Variants in PPP1R1C observed in about 807,000 individuals in gnomAD.
The protein encoded by PPP1R1C is protein phosphatase 1 regulatory subunit 1C.
A neutral mutation model predicts 17.4 loss-of-function variants in PPP1R1C; 15 were observed. That is an observed-to-expected ratio of 0.86 (90% CI 0.58 to 1.33). The LOEUF (loss-of-function observed/expected upper bound fraction) is 1.33, where lower values mean the gene tolerates loss of function less well. Ranked by LOEUF, PPP1R1C falls within the 40% of genes most tolerant of loss-of-function variation. The pLI, the probability that PPP1R1C is intolerant of heterozygous loss-of-function variation, is 0.00. For synonymous variants in PPP1R1C, 35 were observed against 43.1 expected (o/e 0.81, Z 0.73); for missense variants, 143 against 130.0 (o/e 1.10, Z -0.48).
At chr2:182,116,697 T>C (rs1306975043) in intron 4 of PPP1R1C, among the ~76,000 whole-genome samples, 1 of 152,180 alleles carries the variant, frequency 6.6e-6, no homozygotes, top group East Asian at 1.9e-4. Context: ...GGGAAGTTAT[T>C]GAAGAATTTT....
In PPP1R1C at chr2:181,977,132, T is replaced by TAA. The variant is rs67129466; in HGVS notation, n.157+1908_157+1909dup. Reference sequence around the variant, plus strand: ...CTGGGCAACAGAGTGAGAATCTATCTAAAAAAAAAAAAAAAAAAAAAAAAA... The same window carrying TAA: ...CTGGGCAACAGAGTGAGAATCTATCTAAAAAAAAAAAAAAAAAAAAAAAAAAA... On this transcript the variant is annotated intron_variant and non_coding_transcript_variant, in intron 2 of 5. Transcript: ENST00000464264. Among the ~76,000 whole-genome samples, 11 of 19,846 alleles carry TAA rather than the reference T, an allele frequency of 5.5e-4. 3 individuals carry two copies. The highest frequency in any genetic ancestry group is 3.2e-3 in the East Asian group (2 of 620). The allele number at this position is 19,846 out of a possible 152,430, so 13.0% of individuals were successfully genotyped here. A position where few individuals can be genotyped will look rare whatever the true frequency, so the allele number is the denominator to read the frequency against.
chr2:181,978,342 C>T (rs1303517273), intron 2 of PPP1R1C, among the ~76,000 whole-genome samples: 1 of 152,172 alleles, frequency 6.6e-6, no homozygotes, highest in Admixed American at 6.5e-5. Context: ...TGCCTCATGA[C>T]AGAACATTTG....
At chr2:182,041,745 G>A (rs1033959748) in intron 2 of PPP1R1C, among the ~76,000 whole-genome samples, 1 of 152,074 alleles carries the variant, frequency 6.6e-6, no homozygotes, top group African/African-American at 2.4e-5. Flanking sequence ...GTAGACCAAA[G>A]GGGTCATATA....
chr2:182,067,976 G>A (rs758501285), intron 4 of PPP1R1C, among the ~76,000 whole-genome samples: 55 of 152,102 alleles, frequency 3.6e-4, no homozygotes, highest in Admixed American at 3.4e-3. Context: ...TTACTGAACC[G>A]GTATTCTTTT....
In PPP1R1C at chr2:182,076,189, TTTCTTTTC is replaced by T. The variant is rs1559082836; in HGVS notation, c.241+12401_241+12408del. Among the ~76,000 whole-genome samples the T allele has an allele frequency of 3.5e-4, 43 of 122,942 alleles. 3 individuals carry two copies. The highest frequency in any genetic ancestry group is 1.6e-3 in the African/African-American group (43 of 27,364). 80.7% of individuals were successfully genotyped at this position (122,942 alleles called of 152,430 possible). On this transcript the variant is annotated intron_variant, in intron 4 of 4. Transcript: ENST00000682840. ...AAATCAAGGATTTTGAACTTTTTTTTTTCTTTTCTTTTTTTTTTTTTTTTTTTTTTTTT... is the reference window on the plus strand; with the variant it reads ...AAATCAAGGATTTTGAACTTTTTTTTTTTTTTTTTTTTTTTTTTTTTTTTT...
intron 4 of PPP1R1C, among the ~76,000 whole-genome samples, chr2:182,079,873 C>A (rs1688421441): frequency 6.6e-6 from 1 of 152,162 alleles, no homozygotes; most frequent in Non-Finnish European, 1.5e-5. Flanking sequence ...TTCCCGTGGC[C>A]TGCTCTTCTG....
At chr2:181,987,634 G>A (rs1685341401) in intron 1 of PPP1R1C, among the ~76,000 whole-genome samples, 2 of 152,202 alleles carry the variant, frequency 1.3e-5, no homozygotes, top group African/African-American at 4.8e-5. Flanking sequence ...TTTGGTCAAA[G>A]AGGGTGATAC....
intron 5 of PPP1R1C, among the ~76,000 whole-genome samples, chr2:182,126,802 G>A (rs942847865): frequency 7.2e-5 from 11 of 152,002 alleles, no homozygotes; most frequent in African/African-American, 2.7e-4. Context: ...GCAGGCAATG[G>A]AGACTTGGTG....
chr2:181,959,011 T>A (rs561006978), intron 1 of PPP1R1C, among the ~76,000 whole-genome samples: 1 of 152,336 alleles, frequency 6.6e-6, no homozygotes, highest in Admixed American at 6.5e-5. Context: ...GTTGACTGCA[T>A]AGACTACACA....
intron 4 of PPP1R1C, among the ~76,000 whole-genome samples, chr2:182,084,123 TTTTTA>T (rs1212820664): frequency 6.6e-6 from 1 of 152,126 alleles, no homozygotes; most frequent in African/African-American, 2.4e-5. Flanking sequence ...TTTGTGTTTT[TTTTTA>T]TTTTATTTGT....
intron 2 of PPP1R1C, among the ~76,000 whole-genome samples, chr2:181,997,191 T>C (rs1394921495): frequency 1.4e-5 from 2 of 145,564 alleles, no homozygotes; most frequent in African/African-American, 5.2e-5. Context: ...ATTGCGCCAC[T>C]GCACTCCAGC....
intron 2 of PPP1R1C, among the ~76,000 whole-genome samples, chr2:182,007,953 A>G (rs1009248439): frequency 8.5e-5 from 13 of 152,172 alleles, no homozygotes; most frequent in African/African-American, 2.2e-4. Flanking sequence ...CTGTAGTCCC[A>G]GCTACTCGGG....
chr2:181,963,489 A>C (rs544023379), intron 1 of PPP1R1C, among the ~76,000 whole-genome samples: 1 of 152,240 alleles, frequency 6.6e-6, no homozygotes, highest in South Asian at 2.1e-4. Context: ...AAATATAAAA[A>C]TTATCTGGGC....
At chr2:181,971,588 A>T (rs1326792786) in intron 1 of PPP1R1C, among the ~76,000 whole-genome samples, 2 of 152,080 alleles carry the variant, frequency 1.3e-5, no homozygotes, top group African/African-American at 4.8e-5. Context: ...TCACTAGGTC[A>T]CGTTCCCTGC....
At chr2:181,972,527 A>G (rs1348498872) in intron 1 of PPP1R1C, among the ~76,000 whole-genome samples, 1 of 152,096 alleles carries the variant, frequency 6.6e-6, no homozygotes, top group Non-Finnish European at 1.5e-5. Flanking sequence ...AACAAAGTCC[A>G]GAGGATTGAG....
chr2:182,049,819 G>A (rs17456837), intron 2 of PPP1R1C, among the ~76,000 whole-genome samples: 1,856 of 152,286 alleles, frequency 0.012, 19 homozygotes, highest in South Asian at 0.037. Flanking sequence ...GTTTTCAAGA[G>A]ATTTCCATAT....
chr2:182,100,715 T>C (rs1689075095), intron 4 of PPP1R1C, among the ~76,000 whole-genome samples: 1 of 152,192 alleles, frequency 6.6e-6, no homozygotes, highest in Non-Finnish European at 1.5e-5. Flanking sequence ...CCCATTCCCT[T>C]TGTTCCCTTT....
At position 182,021,258 on chromosome 2, in the gene PPP1R1C, G is replaced by A. The variant is rs564927067; in HGVS notation, c.142+33359G>A. 6.4e-4 allele frequency among the ~76,000 whole-genome samples: 97 copies of A among 151,368 alleles called. 1 individual carries two copies. The highest frequency in any genetic ancestry group is 2.2e-3 in the African/African-American group (90 of 41,188). Reference sequence around the variant, plus strand: ...TAGACCTTTGTGAAGTTTCTTTGGGGTATAAGAAGCTATTCATATGGCCCA... The same window carrying A: ...TAGACCTTTGTGAAGTTTCTTTGGGATATAAGAAGCTATTCATATGGCCCA... On this transcript the variant is annotated intron_variant, in intron 2 of 4. Transcript: ENST00000682840.
chr2:182,003,687 A>ATGTGTGTG (rs113337793), intron 2 of PPP1R1C, among the ~76,000 whole-genome samples: 2,050 of 149,602 alleles, frequency 0.014, 48 homozygotes, highest in African/African-American at 0.047. Flanking sequence ...TTTTTGCTGG[A>ATGTGTGTG]TGTGTGTGTG....
Sources: gnomAD v4.1 joint callset for allele counts (sites outside exome capture counted in the v4.1 genomes callset) on GRCh38, gnomAD v4.1.1 for gene constraint, MANE v1.5 for transcripts, NCBI Gene and HGNC (gene_info 2026-07-23, HGNC 2026-07-21) for gene names.